Variants in RBM26 observed in about 807,000 individuals in gnomAD.
The protein encoded by RBM26 is RNA-binding protein 26.
In RBM26, 30 loss-of-function variants were observed where a neutral mutation model predicts 123.6. The ratio of observed to expected loss-of-function variants is 0.24; its 90% CI spans 0.18 to 0.33. RBM26 has a LOEUF of 0.33. Ranked by LOEUF, RBM26 falls within the 10% of genes least tolerant of loss-of-function variation. RBM26 has a pLI of 1.00. For synonymous variants in RBM26, 400 were observed against 404.4 expected, an observed-to-expected ratio of 0.99 and a Z score of 0.13; for missense variants, 947 against 1,203.6, an observed-to-expected ratio of 0.79 and a Z score of 3.15.
chr13:79,324,910 T>G (rs1410239429), intron 20 of RBM26, among the ~76,000 whole-genome samples: 2 of 152,078 alleles, frequency 1.3e-5, no homozygotes, highest in Non-Finnish European at 2.9e-5. Context: ...TATTCCTTGA[T>G]TTAAAACAAC....
intron 19 of RBM26, among the ~76,000 whole-genome samples, chr13:79,336,809 TATCA>T (rs1423503787): frequency 2.6e-5 from 4 of 152,148 alleles, no homozygotes; most frequent in Non-Finnish European, 5.9e-5. Flanking sequence ...TAAAAGTAAA[TATCA>T]AATCAAACTA....
chr13:79,376,367 A>T (rs1475895751), intron 3 of RBM26: 1 of 152,316 alleles, frequency 6.6e-6, no homozygotes, highest in Non-Finnish European at 1.5e-5. Flanking sequence ...GGCTAATTTT[A>T]AAATTTTTTT....
chr13:79,362,433 C>T (rs2074806753), intron 9 of RBM26, among the ~76,000 whole-genome samples: 1 of 152,248 alleles, frequency 6.6e-6, no homozygotes, highest in Non-Finnish European at 1.5e-5. Context: ...CTCTTACCTC[C>T]CTCTACATTA....
chr13:79,385,945 G>C (rs1316375815), intron 1 of RBM26, among the ~76,000 whole-genome samples: 1 of 151,902 alleles, frequency 6.6e-6, no homozygotes, highest in African/African-American at 2.4e-5. Context: ...ACCAGAAAAA[G>C]GAGGCTACTC....
chr13:79,340,573 CTCATA>C (rs934186315), intron 18 of RBM26, among the ~76,000 whole-genome samples: 24 of 151,918 alleles, frequency 1.6e-4, no homozygotes, highest in African/African-American at 5.1e-4. Flanking sequence ...AAAATTCTCT[CTCATA>C]TCATATAACA....
chr13:79,402,066 A>T (rs2079097139), intron 1 of RBM26, among the ~76,000 whole-genome samples: 1 of 151,766 alleles, frequency 6.6e-6, no homozygotes, highest in Admixed American at 6.6e-5. Flanking sequence ...AGTCCACCTA[A>T]AAGTTTTAAA....
chr13:79,364,233 T>C (rs9545086), intron 9 of RBM26, among the ~76,000 whole-genome samples: 44,776 of 152,064 alleles, frequency 0.29, 8,109 homozygotes, highest in Non-Finnish European at 0.41. Flanking sequence ...AAAGAGGATA[T>C]AAATCTGAAT....
At chr13:79,312,381 G>A (rs1208954920) in exon 5 of RBM26, 1 of 151,956 alleles carries the variant, frequency 6.6e-6, no homozygotes, top group Non-Finnish European at 1.5e-5. Flanking sequence ...TCTATCATAT[G>A]AACATTCATT....
Position 79,359,506 on chromosome 13 carries a change from A to G in RBM26, c.1529+69T>C, listed in dbSNP as rs559554766. On this transcript the variant is annotated intron_variant, in intron 10 of 21. Coordinates refer to ENST00000438737, the MANE Select transcript of RBM26 (RefSeq NM_001366735.2). ...TTGGAAGAAACCAAACCATATTGTC[A>G]TAATAATACAGAAATGATCCTGAAA... 5.4e-6 allele frequency: 4 copies of G among 739,292 alleles called. No individual in the cohort carries two copies. In the African/African-American group the frequency reaches 5.6e-5, roughly 10 times the overall value. The allele number at this position is 739,292 out of a possible 1,614,324, so 45.8% of individuals were successfully genotyped here. A position where few individuals can be genotyped will look rare whatever the true frequency, so the allele number is the denominator to read the frequency against.
intron 1 of RBM26, among the ~76,000 whole-genome samples, chr13:79,385,403 A>G (rs1057206790): frequency 6.6e-6 from 1 of 152,234 alleles, no homozygotes; most frequent in African/African-American, 2.4e-5. Flanking sequence ...TCCATCCTTG[A>G]GCATCACACA....
At chr13:79,357,615 CA>C (rs1051216246) in intron 11 of RBM26, among the ~76,000 whole-genome samples, 1 of 151,990 alleles carries the variant, frequency 6.6e-6, no homozygotes, top group Non-Finnish European at 1.5e-5. Flanking sequence ...ATCTGGGCCC[CA>C]AAAGTCTCTA....
chr13:79,370,383 A>G (rs1278865480), intron 5 of RBM26, among the ~76,000 whole-genome samples: 1 of 152,188 alleles, frequency 6.6e-6, no homozygotes, highest in Non-Finnish European at 1.5e-5. Context: ...TTCACTCAGC[A>G]TAATTATACT....
intron 3 of RBM26, among the ~76,000 whole-genome samples, chr13:79,375,052 T>C (rs901671577): frequency 6.8e-5 from 3 of 44,318 alleles, no homozygotes; most frequent in South Asian, 7.6e-4. Context: ...ATATACTATA[T>C]ATTTATATTT....
Position 79,405,684 on chromosome 13 carries a change from G to A in RBM26, c.71+20C>T. 2 of 1,562,760 alleles carry A rather than the reference G, an allele frequency of 1.3e-6. No homozygotes were observed. Among genetic ancestry groups the A allele is most frequent in the Non-Finnish European group, 1.7e-6 (2 of 1,144,084 alleles). ...TCTCCCACTGCCATCCCTGCAAAGA[G>A]ATATCCCCCGGATACTCACATGGGC... On this transcript the variant is annotated intron_variant, in intron 1 of 21. Transcript: ENST00000438737.
At position 79,319,403 on chromosome 13, in the gene RBM26, A is replaced by G. The variant is rs1412903203; in HGVS notation, c.*1218T>C. 2.0e-6 allele frequency: 2 copies of G among 984,464 alleles called. No individual in the cohort carries two copies. Among genetic ancestry groups the G allele is most frequent in the South Asian group, 4.7e-5 (1 of 21,286 alleles). The allele number at this position is 984,464 out of a possible 1,614,324, so 61.0% of individuals were successfully genotyped here. On this transcript the variant is annotated 3_prime_UTR_variant, in exon 22 of 22. Transcript: ENST00000438737. ...GCATTTATTTCCTGGAAACTGCCAT[A>G]TCAACTTTCAATGATCATGTTCACT...
chr13:79,387,592 G>C (rs932552007), intron 1 of RBM26, among the ~76,000 whole-genome samples: 4 of 148,426 alleles, frequency 2.7e-5, no homozygotes, highest in Admixed American at 2.7e-4. Context: ...TGAACCATAC[G>C]ATCTGAAAAA....
intron 1 of RBM26, among the ~76,000 whole-genome samples, chr13:79,402,044 C>T (rs1391986684): frequency 1.3e-5 from 2 of 149,296 alleles, no homozygotes; most frequent in Non-Finnish European, 3.0e-5. Flanking sequence ...AAAAACATGA[C>T]TTTGATGTGT....
chr13:79,337,392 T>C (rs2070630341), intron 18 of RBM26, 90 bp from the exon 19 acceptor site: 3 of 1,436,050 alleles, frequency 2.1e-6, no homozygotes, highest in African/African-American at 2.8e-5. Context: ...AAAACTTTAA[T>C]GCAATTTGAC....
Position 79,353,169 on chromosome 13 carries a change from A to G in RBM26, c.2042T>C (p.Val681Ala), listed in dbSNP as rs752969314. 6.3e-7 allele frequency: 1 copy of G among 1,592,328 alleles called. No individual in the cohort carries two copies. The highest frequency in any genetic ancestry group is 2.3e-5 in the East Asian group (1 of 44,444). ...TCTTCTTACCTTTTCAGTTGCTGAA[A>G]CAGATGGCTTTGATACAAAACCCAA... is the stretch of plus-strand genomic sequence containing the variant. ...DRLGFVSKPS[V>A]SATEKVLSTS... Residue 681 changes from valine to alanine, a missense_variant, in exon 14 of 22, where the codon GTT (valine) becomes GCT (alanine). Val to Ala is a moderately conservative substitution (Grantham distance 64). Coordinates refer to ENST00000438737, the MANE Select transcript of RBM26 (RefSeq NM_001366735.2).
Sources: gnomAD v4.1 joint callset for allele counts (sites outside exome capture counted in the v4.1 genomes callset) on GRCh38, gnomAD v4.1.1 for gene constraint, MANE v1.5 for transcripts, NCBI Gene and HGNC (gene_info 2026-07-23, HGNC 2026-07-21) for gene names.